GLT1D1: variants seen among roughly 807,000 people sequenced by gnomAD.
GLT1D1 encodes glycosyltransferase 1 domain-containing protein 1.
In GLT1D1, 21 loss-of-function variants were observed where a neutral mutation model predicts 28.7. The observed-to-expected ratio is 0.73, with a 90% CI of 0.52 to 1.05. The LOEUF is 1.05. Ranked by LOEUF, GLT1D1 falls within the 50% of genes least tolerant of loss-of-function variation. The pLI is 0.00. For missense variants in GLT1D1, 343 were observed against 330.6 expected, an observed-to-expected ratio of 1.04 and a Z score of -0.29; for synonymous variants, 147 against 124.8, an observed-to-expected ratio of 1.18 and a Z score of -1.19.
intron 4 of GLT1D1, among the ~76,000 whole-genome samples, chr12:128,941,468 G>A (rs371791736): frequency 6.6e-6 from 1 of 152,036 alleles, no homozygotes; most frequent in Non-Finnish European, 1.5e-5. Context: ...TTGGCTGAAG[G>A]GTTCTCACTC....
intron 4 of GLT1D1, among the ~76,000 whole-genome samples, chr12:128,935,815 T>A (rs953692996): frequency 6.6e-6 from 1 of 152,120 alleles, no homozygotes; most frequent in African/African-American, 2.4e-5. Context: ...GTGGTAATTC[T>A]TAGCAAGAAC....
intron 4 of GLT1D1, among the ~76,000 whole-genome samples, chr12:128,942,323 G>A (rs12298924): frequency 0.12 from 17,763 of 152,078 alleles, 2,833 homozygotes; most frequent in African/African-American, 0.37. Context: ...AAGCACGTAC[G>A]ATTAACATTT....
chr12:128,955,565 A>G (rs1214793291), intron 6 of GLT1D1, among the ~76,000 whole-genome samples: 2 of 149,422 alleles, frequency 1.3e-5, no homozygotes, highest in African/African-American at 2.5e-5. Context: ...CATGCATTGC[A>G]TTTGGCTTTG....
At chr12:128,874,102 C>CTTTCTTTCTTTCTTTCTTTCTT in intron 1 of GLT1D1, among the ~76,000 whole-genome samples, 1 of 40,146 alleles carries the variant, frequency 2.5e-5, no homozygotes, top group African/African-American at 1.2e-4. Context: ...CTTTCTTTCT[C>CTTTCTTTCTTTCTTTCTTTCTT]TCTCTCTCTC....
chr12:128,983,844 C>T lies in GLT1D1; in HGVS notation c.*754C>T, dbSNP rs983729519. On this transcript the variant is annotated 3_prime_UTR_variant, in exon 8 of 8. Transcript: ENST00000281703. This position sits in a 1 kb window ranked among gnomAD's most constrained non-coding sequence, Gnocchi z 4.7. ...CTTTGGGTCCAGGGTGGGCTCTTCC[C>T]CTTCCCACATCAGGGACCCGGGGAT... The T allele has an allele frequency of 6.6e-6, 1 of 152,250 alleles. No individual in the cohort carries two copies. Among genetic ancestry groups the T allele is most frequent in the African/African-American group, 2.4e-5 (1 of 41,460 alleles). The allele number at this position is 152,250 out of a possible 1,614,324, so 9.4% of individuals were successfully genotyped here.
chr12:128,888,431 T>C (rs1357636433), intron 2 of GLT1D1, among the ~76,000 whole-genome samples: 1 of 152,222 alleles, frequency 6.6e-6, no homozygotes, highest in Non-Finnish European at 1.5e-5. Context: ...ACGACAGTGG[T>C]TGGGGCCTCC....
intron 7 of GLT1D1, among the ~76,000 whole-genome samples, chr12:128,965,679 C>T (rs1009129503): frequency 7.1e-6 from 1 of 140,452 alleles, no homozygotes; most frequent in South Asian, 2.2e-4. Context: ...CAAGACCATC[C>T]TGGGCAACAT....
At chr12:128,924,458 CTT>C (rs1278752820) in intron 4 of GLT1D1, among the ~76,000 whole-genome samples, 1 of 151,394 alleles carries the variant, frequency 6.6e-6, no homozygotes, top group Non-Finnish European at 1.5e-5. Context: ...GAAAAAGCCT[CTT>C]TTATTTATTT....
At chr12:128,965,136 A>T (rs987137769) in intron 7 of GLT1D1, among the ~76,000 whole-genome samples, 5 of 152,178 alleles carry the variant, frequency 3.3e-5, no homozygotes, top group Non-Finnish European at 7.3e-5. Flanking sequence ...TAATCAGTTG[A>T]CTTTGAGTTA....
chr12:128,926,582 G>C, intron 4 of GLT1D1, 128 bp downstream of exon 7: 3 of 555,058 alleles, frequency 5.4e-6, no homozygotes, highest in Non-Finnish European at 9.6e-6. Context: ...ACTGTTTCTA[G>C]ATTGCTACTT....
In GLT1D1 at chr12:128,853,571, G is replaced by T. The variant is rs1468620390; in HGVS notation, c.-11G>T. 1 of 1,108,290 alleles carries T rather than the reference G, an allele frequency of 9.0e-7. No homozygotes were observed. Among genetic ancestry groups the T allele is most frequent in the East Asian group, 7.2e-5 (1 of 13,980 alleles). The allele number at this position is 1,108,290 out of a possible 1,614,324, so 68.7% of individuals were successfully genotyped here. Reference sequence around the variant, plus strand: ...GCGGGGCCGGTCGATGGCCCGGGCGGCGGCGGCGGCATGCGGCTCCTGTTC... The same window carrying T: ...GCGGGGCCGGTCGATGGCCCGGGCGTCGGCGGCGGCATGCGGCTCCTGTTC... On this transcript the variant is annotated 5_prime_UTR_variant, in exon 1 of 8. Coordinates refer to ENST00000281703, the MANE Select transcript of GLT1D1 (RefSeq NM_144669.3).
intron 4 of GLT1D1, among the ~76,000 whole-genome samples, chr12:128,932,770 C>A (rs1196462475): frequency 6.6e-6 from 1 of 151,690 alleles, no homozygotes; most frequent in Non-Finnish European, 1.5e-5. Flanking sequence ...GAGGCGAAGG[C>A]TCTGGGCACG....
At chr12:128,870,453 C>G (rs886272993) in intron 1 of GLT1D1, among the ~76,000 whole-genome samples, 1 of 152,062 alleles carries the variant, frequency 6.6e-6, no homozygotes, top group African/African-American at 2.4e-5. Flanking sequence ...ATGGGAGATG[C>G]TTTTGTTTTC....
At chr12:128,918,318 A>G (rs962826840) in intron 4 of GLT1D1, among the ~76,000 whole-genome samples, 3 of 152,140 alleles carry the variant, frequency 2.0e-5, no homozygotes, top group Non-Finnish European at 4.4e-5. Context: ...AGGAGAGGGT[A>G]GGGCTGGGGG....
At chr12:128,962,971 A>G (rs1199733426) in intron 7 of GLT1D1, among the ~76,000 whole-genome samples, 1 of 152,132 alleles carries the variant, frequency 6.6e-6, no homozygotes, top group Non-Finnish European at 1.5e-5. Context: ...AAGTGCTGGG[A>G]TTACAGGCAT....
intron 4 of GLT1D1, among the ~76,000 whole-genome samples, chr12:128,935,954 C>T (rs1393349645): frequency 4.5e-4 from 68 of 152,128 alleles, no homozygotes; most frequent in Non-Finnish European, 4.0e-4. Flanking sequence ...ACACGCATGT[C>T]GTGGATTCTG....
In GLT1D1 at chr12:128,884,996, C is replaced by T. The variant is rs150849903; in HGVS notation, c.218-3643C>T. On this transcript the variant is annotated intron_variant, in intron 2 of 7. Coordinates refer to ENST00000281703, the MANE Select transcript of GLT1D1 (RefSeq NM_144669.3). ...TCTCAAACTCCTGGGGTGGAGCAAT[C>T]CTCCTGCCTTGGCCTCCCAAAGTGC... Among the ~76,000 whole-genome samples the T allele has an allele frequency of 9.5e-3, 1,438 of 150,820 alleles. 22 individuals are homozygous for T. Among genetic ancestry groups the T allele is most frequent in the African/African-American group, 0.033 (1,364 of 40,980 alleles).
Position 128,983,232 on chromosome 12 carries a change from C to A in GLT1D1, c.*142C>A. ...ATCCTAGAAAATGTTAGTCGTGAGT[C>A]CCCAGAGCCACTGCATTCATCCCAT... On this transcript the variant is annotated 3_prime_UTR_variant, in exon 8 of 8. Transcript: ENST00000281703. This position sits in a 1 kb window ranked among gnomAD's most constrained non-coding sequence, Gnocchi z 4.7. 1 of 705,890 alleles carries A rather than the reference C, an allele frequency of 1.4e-6. No homozygotes were observed. Among genetic ancestry groups the A allele is most frequent in the South Asian group, 1.8e-5 (1 of 55,710 alleles). The allele number at this position is 705,890 out of a possible 1,614,324, so 43.7% of individuals were successfully genotyped here. A position where few individuals can be genotyped will look rare whatever the true frequency, so the allele number is the denominator to read the frequency against.
At chr12:128,975,031 GC>G (rs1555222039) in intron 7 of GLT1D1, among the ~76,000 whole-genome samples, 13 of 145,058 alleles carry the variant, frequency 9.0e-5, no homozygotes, top group African/African-American at 3.2e-4. Flanking sequence ...TTTGTTTAGT[GC>G]CCCCCCGCAC....
Sources: allele counts gnomAD v4.1 joint callset (sites outside exome capture counted in the v4.1 genomes callset), GRCh38; gene constraint gnomAD v4.1.1; non-coding constraint Gnocchi (gnomAD v3.1); transcripts MANE v1.5; gene names NCBI Gene and HGNC (gene_info 2026-07-23, HGNC 2026-07-21).